Variants in ANKMY1 observed in about 807,000 individuals in gnomAD.
ANKMY1 encodes the protein ankyrin repeat and MYND domain containing 1, also known as ankyrin repeat and MYND domain-containing protein 1.
Under a neutral mutation model 102.0 loss-of-function variants are expected in ANKMY1, and 98 were observed. That is an observed-to-expected ratio of 0.96 (90% CI 0.82 to 1.14). The LOEUF (loss-of-function observed/expected upper bound fraction) is 1.14. ANKMY1 is among the 50% of genes most tolerant of loss of function. The pLI is 0.00. For synonymous variants in ANKMY1, 582 were observed against 559.9 expected (o/e 1.04, Z -0.56); for missense variants, 1,330 against 1,347.6 (o/e 0.99, Z 0.20).
chr2:240,514,119 T>C (rs888896277), intron 9 of ANKMY1, among the ~76,000 whole-genome samples: 5 of 152,150 alleles, frequency 3.3e-5, no homozygotes, highest in African/African-American at 1.2e-4. Flanking sequence ...GCAACAGCAA[T>C]AACTGAGCTA....
At chr2:240,559,716 G>C (rs746491586), upstream of ANKMY1, among the ~76,000 whole-genome samples, 1 of 152,220 alleles carries the variant, frequency 6.6e-6, no homozygotes, top group African/African-American at 2.4e-5. Context: ...CTGCAACCAG[G>C]GAAGACCTGG....
At chr2:240,498,770 C>T (rs2077640368) in intron 15 of ANKMY1, among the ~76,000 whole-genome samples, 1 of 152,066 alleles carries the variant, frequency 6.6e-6, no homozygotes, top group Admixed American at 6.5e-5. Flanking sequence ...AGCTTAGTGC[C>T]ATCCCCTTGG....
chr2:240,526,585 G>A lies in ANKMY1; in HGVS notation c.954-140C>T, dbSNP rs1051428192. The A allele has an allele frequency of 5.4e-6, 8 of 1,473,860 alleles. No individual in the cohort carries two copies. The Admixed American group carries it at 1.1e-4, about 21-fold the overall frequency. The allele number at this position is 1,473,860 out of a possible 1,614,324, so 91.3% of individuals were successfully genotyped here. A position where few individuals can be genotyped will look rare whatever the true frequency, so the allele number is the denominator to read the frequency against. ...ACTGTTCACTCCTCAGGTACCCTGAGTGCTGGCAGCTGCACCCGCAGCTGC... is the reference window on the plus strand; with the variant it reads ...ACTGTTCACTCCTCAGGTACCCTGAATGCTGGCAGCTGCACCCGCAGCTGC... On this transcript the variant is annotated intron_variant, in intron 5 of 17. Transcript: ENST00000401804.
At chr2:240,546,622 C>T (rs1340968889) in intron 4 of ANKMY1, among the ~76,000 whole-genome samples, 5 of 152,222 alleles carry the variant, frequency 3.3e-5, no homozygotes, top group Non-Finnish European at 5.9e-5. Flanking sequence ...ACCCATCCCA[C>T]GTGCAGAGAC....
At chr2:240,546,780 G>T (rs1435227489) in intron 4 of ANKMY1, among the ~76,000 whole-genome samples, 1 of 152,218 alleles carries the variant, frequency 6.6e-6, no homozygotes, top group African/African-American at 2.4e-5. Flanking sequence ...TTACATAATG[G>T]TAAAGGGATC....
rs747170616 is a variant in ANKMY1, at chr2:240,529,186, G to C, written c.804C>G (p.His268Gln). 1 of 1,614,230 alleles carries C rather than the reference G, an allele frequency of 6.2e-7. No individual in the cohort carries two copies. Among genetic ancestry groups the C allele is most frequent in the South Asian group, 1.1e-5 (1 of 91,090 alleles). The change falls in exon 5 of 18, where the codon CAC becomes CAG. Residue 268 changes from histidine to glutamine, a missense_variant. Transcript: ENST00000401804. This position sits in a 1 kb window ranked among gnomAD's most constrained non-coding sequence, Gnocchi z 4.2. ...TGCGGAAAGAGCTTGTCATGGGCAGGTGGTCACTGTTGGTCGAGTAGACAT... is the reference window on the plus strand; with the variant it reads ...TGCGGAAAGAGCTTGTCATGGGCAGCTGGTCACTGTTGGTCGAGTAGACAT... The part of the protein sequence containing the change: ...EMYVYSTNSD[H>Q]LPMTSSFRKE...
In ANKMY1 at chr2:240,525,749, A is replaced by T. The variant is rs772172008; in HGVS notation, c.1271T>A (p.Leu424His). The T allele has an allele frequency of 3.7e-6, 6 of 1,614,000 alleles. No homozygotes were observed. The highest frequency in any genetic ancestry group is 1.3e-5 in the African/African-American group (1 of 74,902). ...EGLTALSMCF[L>H]LHYPAQSFKP... ...GAAGGACTGGGCGGGGTAGTGGAGGAGGAAACACATGCTGAGTGCCGTGAG... is the reference window on the plus strand; with the variant it reads ...GAAGGACTGGGCGGGGTAGTGGAGGTGGAAACACATGCTGAGTGCCGTGAG... Residue 424 changes from leucine (L) to histidine (H), a missense_variant, in exon 7 of 18, where the codon CTC (leucine) becomes CAC (histidine). Physicochemically the swap from Leu to His is moderately conservative, Grantham distance 99 (BLOSUM62 -3). Transcript: ENST00000401804.
At chr2:240,553,500 TTTA>T (rs1021533301) in intron 3 of ANKMY1, 47 of 197,296 alleles carry the variant, frequency 2.4e-4, no homozygotes, top group Non-Finnish European at 1.1e-4. Flanking sequence ...AGGACTCTGA[TTTA>T]TAACTCTTCA....
chr2:240,520,845 G>A lies in ANKMY1; in HGVS notation c.1833-312C>T, dbSNP rs1026155484. ...CCCCACACACAAGCCACACCAGAGC[G>A]CACACACCATAGCACAGCGCACACC... On this transcript the variant is annotated intron_variant, in intron 8 of 17. Coordinates refer to ENST00000401804, the MANE Select transcript of ANKMY1 (RefSeq NM_001282771.3). The surrounding 1 kb of genome is among the most constrained non-coding windows in gnomAD (Gnocchi z 4.8). Among the ~76,000 whole-genome samples the A allele has an allele frequency of 2.7e-5, 4 of 148,994 alleles. No homozygotes were observed. Among genetic ancestry groups the A allele is most frequent in the Admixed American group, 1.3e-4 (2 of 14,924 alleles).
At chr2:240,475,176 T>C (rs777481625), downstream of ANKMY1, among the ~76,000 whole-genome samples, 1 of 152,256 alleles carries the variant, frequency 6.6e-6, no homozygotes, top group Non-Finnish European at 1.5e-5. Flanking sequence ...TGATCAGTGA[T>C]ATTAAGCTTT....
At chr2:240,479,956 A>C (rs985526487) in intron 17 of ANKMY1, among the ~76,000 whole-genome samples, 1 of 152,170 alleles carries the variant, frequency 6.6e-6, no homozygotes, top group Admixed American at 6.5e-5. Context: ...TCATGCCTGT[A>C]ATCCCAGCAC....
In ANKMY1 at chr2:240,529,560, CAT is replaced by C. The variant is rs1225616076; in HGVS notation, c.481-53_481-52del. The C allele has an allele frequency of 4.1e-5, 60 of 1,472,804 alleles. No homozygotes were observed. The highest frequency in any genetic ancestry group is 1.2e-4 in the East Asian group (5 of 42,276). 91.2% of individuals were successfully genotyped at this position (1,472,804 alleles called of 1,614,324 possible). A position where few individuals can be genotyped will look rare whatever the true frequency, so the allele number is the denominator to read the frequency against. On this transcript the variant is annotated intron_variant, in intron 4 of 17. Transcript: ENST00000401804. This position sits in a 1 kb window ranked among gnomAD's most constrained non-coding sequence, Gnocchi z 4.2. ...GGAGAGATAACGCGACCCAGCTGCACATGTGATCATGTTTGTAACGTCAAAAG... is the reference window on the plus strand; with the variant it reads ...GGAGAGATAACGCGACCCAGCTGCACGTGATCATGTTTGTAACGTCAAAAG...
intron 3 of ANKMY1, chr2:240,553,960 G>C (rs2091958946): frequency 6.6e-6 from 1 of 152,146 alleles, no homozygotes; most frequent in African/African-American, 2.4e-5. Flanking sequence ...CATGCTGAGT[G>C]CCAAGCACCA....
chr2:240,496,438 CT>C (rs1230230738), intron 15 of ANKMY1, among the ~76,000 whole-genome samples: 5 of 152,086 alleles, frequency 3.3e-5, no homozygotes, highest in Admixed American at 6.6e-5. Flanking sequence ...CCACTTTCCC[CT>C]GATGATCTCT....
intron 4 of ANKMY1, among the ~76,000 whole-genome samples, chr2:240,530,774 T>C (rs2085166211): frequency 6.6e-6 from 1 of 152,042 alleles, no homozygotes; most frequent in Non-Finnish European, 1.5e-5. Context: ...ATTGTGCTGG[T>C]GTGATGACGC....
In ANKMY1 at chr2:240,505,237, G is replaced by A. The variant is rs186388326; in HGVS notation, c.2526+2323C>T. ...AGCACTTTGGGAGGCTGAGGCGGGC[G>A]GATCACCTGAGGTCAGGAGTTCAAG... On this transcript the variant is annotated intron_variant, in intron 13 of 17. Transcript: ENST00000401804. Among the ~76,000 whole-genome samples, 389 of 152,010 alleles carry A rather than the reference G, an allele frequency of 2.6e-3. 3 individuals carry two copies. The highest frequency in any genetic ancestry group is 3.6e-3 in the Non-Finnish European group (248 of 67,976).
At chr2:240,485,081 C>A (rs971318082) in intron 15 of ANKMY1, among the ~76,000 whole-genome samples, 5 of 152,234 alleles carry the variant, frequency 3.3e-5, no homozygotes, top group Admixed American at 1.3e-4. Flanking sequence ...GTAATCCCAG[C>A]ACTTTGGGAG....
rs1575026460 is a variant in ANKMY1, at chr2:240,507,660, T to G, written c.2426A>C (p.Asp809Ala). 1.2e-6 allele frequency: 2 copies of G among 1,610,378 alleles called. No individual in the cohort carries two copies. The highest frequency in any genetic ancestry group is 1.7e-6 in the Non-Finnish European group (2 of 1,178,150). The change falls in exon 13 of 18, where the codon GAC (aspartate) becomes GCC (alanine). Residue 809 changes from aspartate (D) to alanine (A), a missense_variant. Asp to Ala is a moderately radical substitution (Grantham distance 126, BLOSUM62 -2). Transcript: ENST00000401804. The part of the protein sequence containing the change: ...VVKELLTQGA[D>A]PNLPLTKGLG... ...GCCTTTGGTCAGGGGCAGGTTGGGGTCAGCTCCCTGGGTCAGGAGCTCCTT... is the reference window on the plus strand; with the variant it reads ...GCCTTTGGTCAGGGGCAGGTTGGGGGCAGCTCCCTGGGTCAGGAGCTCCTT...
the ANKMY1 span, among the ~76,000 whole-genome samples, chr2:240,471,697 C>T: frequency 6.6e-6 from 1 of 152,150 alleles, no homozygotes; most frequent in African/African-American, 2.4e-5. Context: ...GGCAGCCATC[C>T]ACACACAAAA....
Sources: gnomAD v4.1 joint callset for allele counts (sites outside exome capture counted in the v4.1 genomes callset) on GRCh38, gnomAD v4.1.1 for gene constraint, Gnocchi (gnomAD v3.1) non-coding constraint, MANE v1.5 for transcripts, NCBI Gene and HGNC (gene_info 2026-07-23, HGNC 2026-07-21) for gene names.